Variants in TPTE2 observed in about 807,000 individuals in gnomAD.
TPTE2 encodes the protein transmembrane phosphoinositide 3-phosphatase and tensin homolog 2.
A neutral mutation model predicts 78.6 loss-of-function variants in TPTE2; 53 were observed. The observed-to-expected ratio is 0.67, with a 90% confidence interval of 0.54 to 0.85. The LOEUF (loss-of-function observed/expected upper bound fraction) is 0.85. TPTE2 is among the 40% of genes least tolerant of loss of function. The pLI is 0.00. For synonymous variants in TPTE2, 175 were observed against 206.2 expected (o/e 0.85, Z 1.30); for missense variants, 461 against 623.0 (o/e 0.74, Z 2.77).
intron 1 of TPTE2, among the ~76,000 whole-genome samples, chr13:19,496,534 G>C (rs1881324556): frequency 6.6e-6 from 1 of 152,160 alleles, no homozygotes; most frequent in Non-Finnish European, 1.5e-5. Flanking sequence ...TGGGTCTAAG[G>C]AAGGTCTGCA....
At chr13:19,492,596 A>G (rs4768986) in intron 3 of TPTE2, among the ~76,000 whole-genome samples, 111,980 of 152,104 alleles carry the variant, frequency 0.74, 43,939 homozygotes, top group East Asian at 0.96. Context: ...TGCAAATGCT[A>G]CAATGAGAAG....
At chr13:19,442,361 G>T (rs1366044504) in intron 13 of TPTE2, among the ~76,000 whole-genome samples, 1 of 151,460 alleles carries the variant, frequency 6.6e-6, no homozygotes, top group Non-Finnish European at 1.5e-5. Context: ...CACAAAGTTG[G>T]AACATAGTTT....
chr13:19,560,694 C>A, the TPTE2 span: 1 of 1,509,942 alleles, frequency 6.6e-7, no homozygotes, highest in Non-Finnish European at 9.1e-7. Context: ...GATGAGACAC[C>A]AGTGCATTCA....
At chr13:19,474,568 G>A (rs900488445) in intron 5 of TPTE2, among the ~76,000 whole-genome samples, 5 of 152,176 alleles carry the variant, frequency 3.3e-5, no homozygotes, top group African/African-American at 1.2e-4. Flanking sequence ...TTTTTCATCA[G>A]TGACATTTTC....
intron 10 of TPTE2, among the ~76,000 whole-genome samples, chr13:19,454,224 C>T (rs1306215951): frequency 6.6e-6 from 1 of 152,160 alleles, no homozygotes; most frequent in African/African-American, 2.4e-5. Flanking sequence ...TTTGCTCATT[C>T]GCTGTTGTTC....
chr13:19,454,344 T>C (rs771243346), intron 10 of TPTE2, among the ~76,000 whole-genome samples: 10 of 152,200 alleles, frequency 6.6e-5, no homozygotes, highest in Non-Finnish European at 1.3e-4. Context: ...TTCTCCCTTT[T>C]AGTCAACCTT....
Position 19,497,530 on chromosome 13 carries a change from G to T in TPTE2, c.12-4029C>A, listed in dbSNP as rs1301406507. On this transcript the variant is annotated intron_variant, in intron 1 of 19. Transcript: ENST00000400230. ...CAGCCTAACTGGGAGGCACCCCCCAGCAGGGGCACACTGACACCTCACATG... is the reference window on the plus strand; with the variant it reads ...CAGCCTAACTGGGAGGCACCCCCCATCAGGGGCACACTGACACCTCACATG... Among the ~76,000 whole-genome samples, 2 of 78,096 alleles carry T rather than the reference G, an allele frequency of 2.6e-5. 1 individual carries two copies. The highest frequency in any genetic ancestry group is 2.9e-4 in the Admixed American group (2 of 6,842). 51.2% of individuals were successfully genotyped at this position (78,096 alleles called of 152,430 possible). A position where few individuals can be genotyped will look rare whatever the true frequency, so the allele number is the denominator to read the frequency against.
intron 10 of TPTE2, among the ~76,000 whole-genome samples, chr13:19,458,083 T>C (rs1755077508): frequency 6.6e-6 from 1 of 152,120 alleles, no homozygotes; most frequent in South Asian, 2.1e-4. Flanking sequence ...ATAAAACCAA[T>C]CTTCAATAAG....
intron 13 of TPTE2, among the ~76,000 whole-genome samples, chr13:19,448,986 T>C (rs1315382638): frequency 6.6e-6 from 1 of 152,116 alleles, no homozygotes. Flanking sequence ...CACAAGATAA[T>C]ATGGATGAAC....
At chr13:19,553,593 C>A in the TPTE2 span, among the ~76,000 whole-genome samples, 1 of 152,162 alleles carries the variant, frequency 6.6e-6, no homozygotes, top group Non-Finnish European at 1.5e-5. Flanking sequence ...GTGATACATT[C>A]ATACAATGGT....
intron 1 of TPTE2, among the ~76,000 whole-genome samples, chr13:19,514,059 C>A (rs1869631831): frequency 6.6e-6 from 1 of 151,768 alleles, no homozygotes; most frequent in Admixed American, 6.6e-5. Flanking sequence ...TCCTTTCTTG[C>A]TGCTGAGGGC....
chr13:19,541,056 T>G (rs544229887), upstream of TPTE2, among the ~76,000 whole-genome samples: 6 of 152,308 alleles, frequency 3.9e-5, no homozygotes, highest in South Asian at 1.2e-3. Context: ...TGTCCTCTTC[T>G]AAGCTCAGGT....
chr13:19,509,257 T>C (rs985190590), intron 1 of TPTE2, among the ~76,000 whole-genome samples: 1 of 151,986 alleles, frequency 6.6e-6, no homozygotes, highest in Non-Finnish European at 1.5e-5. Context: ...TATGGAGTAA[T>C]AAGGAAGCAA....
chr13:19,507,321 A>AAAC (rs1555255254), upstream of TPTE2, among the ~76,000 whole-genome samples: 3 of 151,652 alleles, frequency 2.0e-5, no homozygotes, highest in Admixed American at 1.3e-4. Flanking sequence ...AAAAAAAAAA[A>AAAC]AAAACACATG....
upstream of TPTE2, chr13:19,503,409 G>T: frequency 1.1e-6 from 1 of 896,308 alleles, no homozygotes; most frequent in Admixed American, 2.5e-5. Context: ...AGCACTATTT[G>T]GTCTGAAATG....
chr13:19,504,727 C>T (rs1469346130), upstream of TPTE2, among the ~76,000 whole-genome samples: 1 of 152,050 alleles, frequency 6.6e-6, no homozygotes, highest in African/African-American at 2.4e-5. Context: ...ACCTGCAGGG[C>T]CTATAGTGAG....
chr13:19,553,359 C>T, the TPTE2 span, among the ~76,000 whole-genome samples: 1 of 152,160 alleles, frequency 6.6e-6, no homozygotes, highest in Non-Finnish European at 1.5e-5. Context: ...TAAAATGGTA[C>T]AATCACCTTG....
chr13:19,429,927 TCACAGGGTCATCC>T (rs1399750467), intron 17 of TPTE2, among the ~76,000 whole-genome samples: 1 of 152,214 alleles, frequency 6.6e-6, no homozygotes, highest in Non-Finnish European at 1.5e-5. Flanking sequence ...GCGTTGTTTC[TCACAGGGTCATCC>T]CACAGAACGT....
chr13:19,535,009 G>A lies in TPTE2; in HGVS notation c.-44+1587C>T, dbSNP rs1871118688. ...ACTTGAGGTCAGGAGTTCGAGACCA[G>A]CCTGGCCAACATCGTGAAGCCCCAT... On this transcript the variant is annotated intron_variant, in intron 1 of 17. Transcript: ENST00000390680. The surrounding 1 kb of genome is among the most constrained non-coding windows in gnomAD (Gnocchi z 5.1). 3.3e-5 allele frequency among the ~76,000 whole-genome samples: 5 copies of A among 152,018 alleles called. No individual in the cohort carries two copies. The South Asian group carries it at 1.0e-3, about 31-fold the overall frequency.
Sources: allele counts gnomAD v4.1 joint callset (sites outside exome capture counted in the v4.1 genomes callset), GRCh38; gene constraint gnomAD v4.1.1; non-coding constraint Gnocchi (gnomAD v3.1); transcripts MANE v1.5; gene names NCBI Gene and HGNC (gene_info 2026-07-23, HGNC 2026-07-21).